Variants in ADAMTS12 observed in about 807,000 individuals in gnomAD.
ADAMTS12 encodes the protein A disintegrin and metalloproteinase with thrombospondin motifs 12.
ADAMTS12 carries 118 observed loss-of-function variants against 167.8 expected under a neutral mutation model. That is an observed-to-expected ratio of 0.70 (90% CI 0.61 to 0.82). The LOEUF is 0.82. ADAMTS12 is among the 40% of genes least tolerant of loss of function. The pLI is 0.00. For missense variants in ADAMTS12, 1,916 were observed against 1,998.8 expected, an observed-to-expected ratio of 0.96 and a Z score of 0.79; for synonymous variants, 704 against 716.9, an observed-to-expected ratio of 0.98 and a Z score of 0.29.
intron 7 of ADAMTS12, 35 bp from the exon 8 acceptor site, chr5:33,649,732 C>A: frequency 6.2e-7 from 1 of 1,608,730 alleles, no homozygotes; most frequent in Middle Eastern, 1.7e-4. Flanking sequence ...GAAGAGCCAG[C>A]AGGCAGGCAT....
chr5:33,800,718 C>CT (rs1486577200), intron 2 of ADAMTS12, among the ~76,000 whole-genome samples: 22 of 152,104 alleles, frequency 1.4e-4, no homozygotes, highest in African/African-American at 5.3e-4. Flanking sequence ...CAGTCTTCTC[C>CT]TACAAGAAGC....
intron 3 of ADAMTS12, among the ~76,000 whole-genome samples, chr5:33,701,544 G>C (rs113245301): frequency 0.011 from 1,700 of 152,256 alleles, 13 homozygotes; most frequent in Non-Finnish European, 0.018. Context: ...GATTCAATAC[G>C]AAGTTACTCA....
At chr5:33,735,764 C>T (rs1744350505) in intron 3 of ADAMTS12, among the ~76,000 whole-genome samples, 1 of 152,168 alleles carries the variant, frequency 6.6e-6, no homozygotes, top group African/African-American at 2.4e-5. Flanking sequence ...CCATGAAATG[C>T]TCAGGACAGT....
chr5:33,720,480 A>G (rs1743771958), intron 3 of ADAMTS12, among the ~76,000 whole-genome samples: 1 of 152,222 alleles, frequency 6.6e-6, no homozygotes. Flanking sequence ...TAGAAAGACC[A>G]GAACCAAGAA....
intron 20 of ADAMTS12, among the ~76,000 whole-genome samples, chr5:33,558,439 C>T (rs194381): frequency 0.67 from 101,442 of 151,978 alleles, 34,937 homozygotes; most frequent in African/African-American, 0.84. Context: ...GTGTCAGAAA[C>T]AACTCCTACA....
chr5:33,697,320 T>G (rs1393625346), intron 3 of ADAMTS12, among the ~76,000 whole-genome samples: 1 of 152,162 alleles, frequency 6.6e-6, no homozygotes, highest in Non-Finnish European at 1.5e-5. Context: ...AATGATTAAA[T>G]GTCACTAAGA....
At position 33,576,442 on chromosome 5, in the gene ADAMTS12, G is replaced by A. The variant is rs780097462; in HGVS notation, c.3584C>T (p.Pro1195Leu). The A allele has an allele frequency of 1.9e-6, 3 of 1,611,428 alleles. No individual in the cohort carries two copies. In the East Asian group the frequency reaches 6.7e-5, roughly 36 times the overall value. The change falls in exon 19 of 24, where the codon CCA becomes CTA. Residue 1195 changes from proline (P) to leucine (L), a missense_variant. By Grantham distance (98) the Pro-to-Leu change is moderately conservative. Transcript: ENST00000504830. Reference sequence around the variant, plus strand: ...ATCTGGTGTTAGTGGAGGTGCAAGTGGCATTTCTGTACTTTCCACTGGAGC... The same window carrying A: ...ATCTGGTGTTAGTGGAGGTGCAAGTAGCATTTCTGTACTTTCCACTGGAGC... ...NDAPVESTEM[P>L]LAPPLTPDLS...
intron 16 of ADAMTS12, among the ~76,000 whole-genome samples, chr5:33,605,138 G>A (rs1462258227): frequency 1.3e-5 from 2 of 152,236 alleles, no homozygotes; most frequent in Non-Finnish European, 2.9e-5. Flanking sequence ...GGAGCACAGA[G>A]AGTGTTACCT....
intron 3 of ADAMTS12, among the ~76,000 whole-genome samples, chr5:33,749,707 T>G (rs6895637): frequency 0.69 from 105,248 of 152,024 alleles, 37,003 homozygotes; most frequent in Non-Finnish European, 0.75. Flanking sequence ...AGAACAACAT[T>G]AAATGGGATG....
intron 12 of ADAMTS12, among the ~76,000 whole-genome samples, chr5:33,635,411 G>A (rs142044648): frequency 5.0e-4 from 76 of 152,262 alleles, no homozygotes; most frequent in Middle Eastern, 6.8e-3. Flanking sequence ...TTAATGATGA[G>A]GCTGCAGAGT....
At position 33,576,179 on chromosome 5, in the gene ADAMTS12, G is replaced by T. The variant is rs1320428578; in HGVS notation, c.3847C>A (p.Pro1283Thr). 2 of 1,614,206 alleles carry T rather than the reference G, an allele frequency of 1.2e-6. No homozygotes were observed. The highest frequency in any genetic ancestry group is 1.3e-5 in the African/African-American group (1 of 75,046). ...GTTGCATCCTCCTCAGTCAGGACTG[G>T]TTCAGAACTTTTTGTTTGGTTCATG... is the stretch of plus-strand genomic sequence containing the variant. ...NNMNQTKSSE[P>T]VLTEEDATSL... The change falls in exon 19 of 24, where the codon CCA becomes ACA. Residue 1283 changes from proline (P) to threonine (T), a missense_variant. By Grantham distance (38) the Pro-to-Thr change is conservative. Coordinates refer to ENST00000504830, the MANE Select transcript of ADAMTS12 (RefSeq NM_030955.4).
rs74672130 is a variant in ADAMTS12, at chr5:33,736,663, C to T, written c.634+14741G>A. 7.4e-3 allele frequency among the ~76,000 whole-genome samples: 1,128 copies of T among 152,286 alleles called. 15 individuals carry two copies. The highest frequency in any genetic ancestry group is 0.026 in the African/African-American group (1,082 of 41,556). ...TCCAATAATGATGCCTGACCACTGT[C>T]GGGTTTTTCAATAACAAGTCTGGGT... On this transcript the variant is annotated intron_variant, in intron 3 of 23. Coordinates refer to ENST00000504830, the MANE Select transcript of ADAMTS12 (RefSeq NM_030955.4).
Position 33,745,143 on chromosome 5 carries a change from T to C in ADAMTS12, c.634+6261A>G, listed in dbSNP as rs144038963. ...CTTTGGGGGTTTTCTTTAGAGTGAA[T>C]CTCACTTTCTCATCAGAACTTCTGA... On this transcript the variant is annotated intron_variant, in intron 3 of 23. Transcript: ENST00000504830. Among the ~76,000 whole-genome samples the C allele has an allele frequency of 7.9e-5, 12 of 152,214 alleles. No homozygotes were observed. The East Asian group carries it at 2.3e-3, about 29-fold the overall frequency.
At chr5:33,712,874 C>T (rs752871033) in intron 3 of ADAMTS12, among the ~76,000 whole-genome samples, 6 of 151,946 alleles carry the variant, frequency 3.9e-5, no homozygotes, top group Non-Finnish European at 8.8e-5. Flanking sequence ...TGCAAAGTTG[C>T]CTGTAAAAAA....
At position 33,643,430 on chromosome 5, in the gene ADAMTS12, C is replaced by T; in HGVS notation, c.1520G>A (p.Cys507Tyr). 9 of 1,614,168 alleles carry T rather than the reference C, an allele frequency of 5.6e-6. No individual in the cohort carries two copies. The highest frequency in any genetic ancestry group is 5.9e-6 in the Non-Finnish European group (7 of 1,179,982). ...QTLWCSVKGF[C>Y]RSKLDAAADG... is the part of the protein sequence containing the mutation. ...TGCAGCAGCGTCCAGCTTAGAGCGACAAAAGCCCTTCACGGAGCACCACAG... is the reference window on the plus strand; with the variant it reads ...TGCAGCAGCGTCCAGCTTAGAGCGATAAAAGCCCTTCACGGAGCACCACAG... Residue 507 changes from cysteine (C) to tyrosine (Y), a missense_variant, in exon 10 of 24, where the codon TGT becomes TAT. Coordinates refer to ENST00000504830, the MANE Select transcript of ADAMTS12 (RefSeq NM_030955.4).
chr5:33,793,967 A>G (rs1358255017), intron 2 of ADAMTS12, among the ~76,000 whole-genome samples: 1 of 152,102 alleles, frequency 6.6e-6, no homozygotes, highest in Non-Finnish European at 1.5e-5. Context: ...AAATTGTTAC[A>G]AAGTTCAGCT....
intron 7 of ADAMTS12, among the ~76,000 whole-genome samples, chr5:33,654,000 C>T (rs1211535226): frequency 2.6e-5 from 4 of 152,074 alleles, no homozygotes; most frequent in Admixed American, 6.6e-5. Flanking sequence ...TTCTTTTAGT[C>T]TCTTTCTCTT....
intron 2 of ADAMTS12, among the ~76,000 whole-genome samples, chr5:33,803,203 A>C (rs745559124): frequency 1.1e-4 from 16 of 152,218 alleles, no homozygotes; most frequent in Non-Finnish European, 1.6e-4. Context: ...GCAGACAGAC[A>C]AACTAAGATA....
intron 3 of ADAMTS12, among the ~76,000 whole-genome samples, chr5:33,734,126 G>A (rs1454335653): frequency 6.6e-6 from 1 of 152,110 alleles, no homozygotes; most frequent in African/African-American, 2.4e-5. Context: ...CAGTGGCCAA[G>A]CCATCAGTGG....
Sources: gnomAD v4.1 joint callset for allele counts (sites outside exome capture counted in the v4.1 genomes callset) on GRCh38, gnomAD v4.1.1 for gene constraint, MANE v1.5 for transcripts, NCBI Gene and HGNC (gene_info 2026-07-23, HGNC 2026-07-21) for gene names.